PDPR: variants seen among roughly 807,000 people sequenced by gnomAD.
PDPR encodes pyruvate dehydrogenase phosphatase regulatory subunit, mitochondrial.
A neutral mutation model predicts 102.2 loss-of-function variants in PDPR; 50 were observed. The observed-to-expected ratio is 0.49, with a 90% CI of 0.39 to 0.62. The LOEUF is 0.62. Among genes scored for constraint, PDPR ranks in the 20% least tolerant of loss-of-function variants. The pLI is 0.00. For synonymous variants in PDPR, 259 were observed against 406.0 expected, an observed-to-expected ratio of 0.64 and a Z score of 4.35; for missense variants, 625 against 1,098.2, an observed-to-expected ratio of 0.57 and a Z score of 6.09.
At chr16:70,137,573 G>A (rs1965278058) in intron 10 of PDPR, among the ~76,000 whole-genome samples, 1 of 152,258 alleles carries the variant, frequency 6.6e-6, no homozygotes, top group Non-Finnish European at 1.5e-5. Flanking sequence ...AAGAGTTCTA[G>A]GATGGATGGT....
Position 70,126,156 on chromosome 16 carries a change from G to A in PDPR, c.228-1104G>A, listed in dbSNP as rs192496653. ...TGATTGTTCCATTTTGGTACATAAAGACCTTTTCATTCTTTTTTATAGCTG... is the reference window on the plus strand; with the variant it reads ...TGATTGTTCCATTTTGGTACATAAAAACCTTTTCATTCTTTTTTATAGCTG... On this transcript the variant is annotated intron_variant, in intron 3 of 18. Transcript: ENST00000288050. Among the ~76,000 whole-genome samples the A allele has an allele frequency of 2.7e-3, 405 of 152,136 alleles. 1 individual carries two copies. The highest frequency in any genetic ancestry group is 3.4e-3 in the Non-Finnish European group (228 of 67,952).
Position 70,156,854 on chromosome 16 carries a change from A to G in PDPR, c.2615A>G (p.Glu872Gly). ...CAGAAGCGCCGAAAGGATGACATGG[A>G]GCTGAGTGACTTACATGGGAAGTGA... The part of the protein sequence containing the change: ...FTQKRRKDDM[E>G]LSDLHGK The change falls in exon 19 of 19, where the codon GAG (glutamate) becomes GGG (glycine). Residue 872 changes from glutamate (E) to glycine (G), a missense_variant. Coordinates refer to ENST00000288050, the MANE Select transcript of PDPR (RefSeq NM_017990.5). The G allele has an allele frequency of 6.2e-7, 1 of 1,613,852 alleles. No individual in the cohort carries two copies.
chr16:70,143,499 T>TA lies in PDPR; in HGVS notation c.1606-9dup, dbSNP rs1273401459. ...CGCTCACTCTCTCTGTTTCATTCCC[T>TA]AACCCTGCAGTCCACTGGGGATCAG... On this transcript the variant is annotated splice_polypyrimidine_tract_variant and intron_variant, in intron 13 of 18. Coordinates refer to ENST00000288050, the MANE Select transcript of PDPR (RefSeq NM_017990.5). 6.2e-7 allele frequency: 1 copy of TA among 1,613,448 alleles called. No homozygotes were observed. Among genetic ancestry groups the TA allele is most frequent in the East Asian group, 2.2e-5 (1 of 44,884 alleles).
In PDPR at chr16:70,148,571, CCTTCCCTTCCCTTCA is replaced by C. The variant is rs760340128; in HGVS notation, c.2052+33_2052+47del. 274 of 1,579,932 alleles carry C rather than the reference CCTTCCCTTCCCTTCA, an allele frequency of 1.7e-4. No individual in the cohort carries two copies. Among genetic ancestry groups the C allele is most frequent in the Non-Finnish European group, 2.3e-4 (263 of 1,153,408 alleles). On this transcript the variant is annotated intron_variant, in intron 17 of 18. Transcript: ENST00000288050. ...CCATAGAGGTGAGAGGGCACCCTTC[CCTTCCCTTCCCTTCA>C]CTTCCCTTCCCTTCCCTTCCCTTCC...
intron 16 of PDPR, among the ~76,000 whole-genome samples, chr16:70,148,177 G>A (rs1213179730): frequency 6.6e-6 from 1 of 152,226 alleles, no homozygotes; most frequent in Non-Finnish European, 1.5e-5. Context: ...CTGGCAAAGA[G>A]GAATATTTTG....
intron 16 of PDPR, among the ~76,000 whole-genome samples, chr16:70,147,319 T>C (rs866467501): frequency 8.5e-5 from 13 of 152,068 alleles, no homozygotes; most frequent in Middle Eastern, 3.4e-3. Flanking sequence ...CTTCTCTAAA[T>C]GTAAAGTCTT....
At chr16:70,126,346 G>A (rs1469532312) in intron 3 of PDPR, among the ~76,000 whole-genome samples, 1 of 152,210 alleles carries the variant, frequency 6.6e-6, no homozygotes, top group Non-Finnish European at 1.5e-5. Flanking sequence ...CAAGTAGCCT[G>A]GCTAACTTTT....
At chr16:70,118,745 C>T (rs566531556) in intron 2 of PDPR, among the ~76,000 whole-genome samples, 4 of 152,146 alleles carry the variant, frequency 2.6e-5, no homozygotes, top group South Asian at 4.1e-4. Flanking sequence ...AAAGACTAGC[C>T]GGGTAGAGAA....
At position 70,132,228 on chromosome 16, in the gene PDPR, C is replaced by A. The variant is rs774671288; in HGVS notation, c.925C>A (p.Pro309Thr). 1 of 1,614,004 alleles carries A rather than the reference C, an allele frequency of 6.2e-7. No homozygotes were observed. The highest frequency in any genetic ancestry group is 1.1e-5 in the South Asian group (1 of 91,078). The change falls in exon 9 of 19, where the codon CCG (proline) becomes ACG (threonine). Residue 309 changes from proline to threonine, a missense_variant. Transcript: ENST00000288050. ...GILSGGFEKN[P>T]KPIFTEGKNQ... is the part of the protein sequence containing the mutation. ...CCTGTCTGGGGGCTTTGAGAAGAAC[C>A]CGAAACCAATTTTCACTGAGGGCAA...
At chr16:70,128,138 A>T (rs1283649002) in intron 4 of PDPR, among the ~76,000 whole-genome samples, 1 of 152,000 alleles carries the variant, frequency 6.6e-6, no homozygotes, top group African/African-American at 2.4e-5. Context: ...CAGGGATTAC[A>T]CTCCCCCAAG....
rs1470368825 is a variant in PDPR, at chr16:70,158,745, G to A, written c.*1866G>A. 2.0e-5 allele frequency: 3 copies of A among 153,154 alleles called. No homozygotes were observed. The highest frequency in any genetic ancestry group is 4.4e-5 in the Non-Finnish European group (3 of 68,712). 9.5% of individuals were successfully genotyped at this position (153,154 alleles called of 1,614,324 possible). A position where few individuals can be genotyped will look rare whatever the true frequency, so the allele number is the denominator to read the frequency against. On this transcript the variant is annotated 3_prime_UTR_variant, in exon 19 of 19. Transcript: ENST00000288050. ...AGTGAACACCAGCTGTGAAGGCCTT[G>A]GGAGAGGAGGAACAGGCCCTTGGGC... is the stretch of plus-strand genomic sequence containing the variant.
chr16:70,134,193 T>C (rs1964856957), intron 9 of PDPR, among the ~76,000 whole-genome samples: 1 of 152,234 alleles, frequency 6.6e-6, no homozygotes, highest in Non-Finnish European at 1.5e-5. Flanking sequence ...TGTAGTATTT[T>C]ATTAAATTTT....
intron 15 of PDPR, chr16:70,145,860 C>G (rs1292828868): frequency 2.0e-6 from 1 of 491,238 alleles, no homozygotes; most frequent in Non-Finnish European, 3.8e-6. Flanking sequence ...GGGGCTTCTT[C>G]CATCACATAG....
chr16:70,156,247 CA>C, intron 18 of PDPR: 2 of 574,634 alleles, frequency 3.5e-6, no homozygotes, highest in Non-Finnish European at 6.0e-6. Flanking sequence ...AAATAGGAAA[CA>C]AAATGCGTAC....
chr16:70,116,846 G>GT (rs1233963121), intron 2 of PDPR, among the ~76,000 whole-genome samples: 9 of 137,264 alleles, frequency 6.6e-5, no homozygotes, highest in African/African-American at 1.1e-4. Flanking sequence ...CCGGCCTAAA[G>GT]TTTTTTTTTT....
At chr16:70,121,689 C>CAAA (rs145401299) in intron 3 of PDPR, among the ~76,000 whole-genome samples, 1 of 141,202 alleles carries the variant, frequency 7.1e-6, no homozygotes, top group African/African-American at 2.6e-5. Flanking sequence ...GAGACTGTCT[C>CAAA]AAAAAAAAAA....
At chr16:70,125,398 A>AACC (rs56891998) in intron 3 of PDPR, among the ~76,000 whole-genome samples, 30 of 147,206 alleles carry the variant, frequency 2.0e-4, no homozygotes, top group African/African-American at 6.4e-4. Flanking sequence ...AAACAAAAAA[A>AACC]CAAAAATTAG....
intron 10 of PDPR, among the ~76,000 whole-genome samples, chr16:70,137,632 A>T (rs1468639803): frequency 6.6e-6 from 1 of 152,276 alleles, no homozygotes; most frequent in Non-Finnish European, 1.5e-5. Context: ...ACTGAACTGA[A>T]TACTTACAAA....
intron 18 of PDPR, among the ~76,000 whole-genome samples, chr16:70,154,062 A>G (rs1186082614): frequency 6.6e-6 from 1 of 152,260 alleles, no homozygotes; most frequent in African/African-American, 2.4e-5. Flanking sequence ...GCCTATAGTC[A>G]GGAGAATGGC....
Sources: allele counts gnomAD v4.1 joint callset (sites outside exome capture counted in the v4.1 genomes callset), GRCh38; gene constraint gnomAD v4.1.1; transcripts MANE v1.5; gene names NCBI Gene and HGNC (gene_info 2026-07-23, HGNC 2026-07-21).